MED13L: variants seen among roughly 807,000 people sequenced by gnomAD.
MED13L encodes the protein mediator complex subunit 13L, also known as mediator of RNA polymerase II transcription subunit 13-like.
MED13L carries 7 observed loss-of-function variants against 220.9 expected under a neutral mutation model. The ratio of observed to expected loss-of-function variants is 0.03; its 90% CI spans 0.02 to 0.06. The LOEUF (loss-of-function observed/expected upper bound fraction) is 0.06, where lower values mean the gene tolerates loss of function less well. MED13L is among the 10% of genes least tolerant of loss of function. MED13L has a pLI of 1.00. For missense variants in MED13L, 1,965 were observed against 2,760.5 expected (o/e 0.71, Z 6.46); for synonymous variants, 1,011 against 1,015.2 (o/e 1.00, Z 0.08).
intron 2 of MED13L, among the ~76,000 whole-genome samples, chr12:116,127,279 A>T (rs963519034): frequency 2.0e-5 from 3 of 152,130 alleles, no homozygotes; most frequent in African/African-American, 7.2e-5. Flanking sequence ...TTTGTTTGTT[A>T]TAACTCATAA....
intron 2 of MED13L, among the ~76,000 whole-genome samples, chr12:116,184,982 G>A (rs1406882114): frequency 1.3e-5 from 2 of 152,160 alleles, no homozygotes; most frequent in African/African-American, 2.4e-5. Context: ...CACAGGAAGT[G>A]TCTGTGTTAA....
intron 27 of MED13L, among the ~76,000 whole-genome samples, chr12:115,970,127 A>C (rs1203366476): frequency 6.6e-6 from 1 of 152,218 alleles, no homozygotes; most frequent in Non-Finnish European, 1.5e-5. Context: ...GTTTATAAAT[A>C]ATCATTTTTT....
rs1875606648 is a variant in MED13L at position 115,959,199 on chromosome 12, T to C, written c.*2067A>G. On this transcript the variant is annotated 3_prime_UTR_variant, in exon 31 of 31. Transcript: ENST00000281928. Reference sequence around the variant, plus strand: ...TCATTTATTTTTGCACAAAAACGTATAAATATGTCACCAGCTTTTCTTAAC... The same window carrying C: ...TCATTTATTTTTGCACAAAAACGTACAAATATGTCACCAGCTTTTCTTAAC... 6.6e-6 allele frequency: 1 copy of C among 152,596 alleles called. No homozygotes were observed. The highest frequency in any genetic ancestry group is 2.4e-5 in the African/African-American group (1 of 41,454). 9.5% of individuals were successfully genotyped at this position (152,596 alleles called of 1,614,324 possible).
intron 2 of MED13L, among the ~76,000 whole-genome samples, chr12:116,188,048 T>C (rs1881012186): frequency 6.6e-6 from 1 of 152,040 alleles, no homozygotes; most frequent in Non-Finnish European, 1.5e-5. Context: ...TTATTTGTGG[T>C]TTTTCAGGAC....
intron 2 of MED13L, among the ~76,000 whole-genome samples, chr12:116,112,923 T>A: frequency 6.6e-6 from 1 of 152,192 alleles, no homozygotes; most frequent in African/African-American, 2.4e-5. Flanking sequence ...CCATCAAGTT[T>A]GAGATACACC....
intron 4 of MED13L, among the ~76,000 whole-genome samples, chr12:116,046,258 T>G (rs779428396): frequency 6.6e-6 from 1 of 152,016 alleles, no homozygotes; most frequent in Non-Finnish European, 1.5e-5. Flanking sequence ...GAATAGTCAG[T>G]GTAAAAAACA....
chr12:116,179,204 CGTGT>C (rs60501771), intron 2 of MED13L, among the ~76,000 whole-genome samples: 20,194 of 148,016 alleles, frequency 0.14, 1,397 homozygotes, highest in Middle Eastern at 0.17. Context: ...TGACGATTTA[CGTGT>C]GTGTGTGTGT....
At position 116,192,763 on chromosome 12, in the gene MED13L, G is replaced by A. The variant is rs116153752; in HGVS notation, c.310+44705C>T. On this transcript the variant is annotated intron_variant, in intron 2 of 30. Transcript: ENST00000281928. The stretch of plus-strand genomic sequence containing the variant: ...GCACTTTGGGAGGCCAAAGCAGGAA[G>A]ACTGCTTTAGTTCAGCAGTTCAAGA... 9.6e-3 allele frequency among the ~76,000 whole-genome samples: 1,458 copies of A among 152,282 alleles called. 24 individuals carry two copies. Among genetic ancestry groups the A allele is most frequent in the African/African-American group, 0.033 (1,371 of 41,544 alleles).
intron 5 of MED13L, among the ~76,000 whole-genome samples, chr12:116,021,012 C>G (rs954387573): frequency 3.9e-5 from 6 of 152,098 alleles, no homozygotes; most frequent in African/African-American, 1.4e-4. Context: ...CTGACTCCAA[C>G]TAACACAGTT....
chr12:116,110,260 C>G lies in MED13L; in HGVS notation c.395+1168G>C, dbSNP rs1040384324. 5 of 151,896 alleles carry G rather than the reference C, an allele frequency of 3.3e-5. No individual in the cohort carries two copies. The South Asian group carries it at 1.0e-3, about 32-fold the overall frequency. The allele number at this position is 151,896 out of a possible 1,614,324, so 9.4% of individuals were successfully genotyped here. On this transcript the variant is annotated intron_variant, in intron 3 of 30. Transcript: ENST00000281928. ...ACAAAGGGGCTTCCTCTGACCAAATCTGGAAAAATTTAAGCATCAAAATAA... is the reference window on the plus strand; with the variant it reads ...ACAAAGGGGCTTCCTCTGACCAAATGTGGAAAAATTTAAGCATCAAAATAA...
At chr12:116,205,509 TA>T (rs1345378102) in intron 2 of MED13L, among the ~76,000 whole-genome samples, 51 of 60,550 alleles carry the variant, frequency 8.4e-4, no homozygotes, top group Admixed American at 1.5e-3. Flanking sequence ...GTTCTACCAT[TA>T]AAAAAAAAAA....
chr12:115,986,162 C>T, intron 19 of MED13L, 104 bp downstream of exon 19: 1 of 1,262,812 alleles, frequency 7.9e-7, no homozygotes, highest in Admixed American at 1.9e-5. Context: ...TGCAAATTTT[C>T]TCTGAGATTT....
chr12:116,012,500 T>C (rs973199445), intron 9 of MED13L, among the ~76,000 whole-genome samples: 1 of 152,186 alleles, frequency 6.6e-6, no homozygotes, highest in Admixed American at 6.5e-5. Context: ...TAAGAGTAGT[T>C]AAATAAAGTC....
chr12:115,980,710 T>C (rs1233060684), intron 23 of MED13L, 40 bp downstream of exon 23: 2 of 1,602,492 alleles, frequency 1.2e-6, no homozygotes, highest in East Asian at 2.2e-5. Context: ...GCTTGCATTT[T>C]AGTATAAATT....
At chr12:116,144,066 CCT>C (rs1877289738) in intron 2 of MED13L, among the ~76,000 whole-genome samples, 1 of 152,126 alleles carries the variant, frequency 6.6e-6, no homozygotes, top group African/African-American at 2.4e-5. Flanking sequence ...TTCCTTTGCC[CCT>C]GTGTTCCATA....
At chr12:116,089,100 C>T (rs1220648814) in intron 4 of MED13L, among the ~76,000 whole-genome samples, 1 of 152,016 alleles carries the variant, frequency 6.6e-6, no homozygotes, top group African/African-American at 2.4e-5. Context: ...AAAAAAGGTC[C>T]AATGGAAATT....
intron 23 of MED13L, among the ~76,000 whole-genome samples, chr12:115,979,475 A>G (rs773052380): frequency 4.5e-4 from 69 of 152,226 alleles, no homozygotes; most frequent in Non-Finnish European, 8.1e-4. Context: ...AACTAAACTA[A>G]AACTGCCTAA....
chr12:116,019,598 G>C (rs577936699), intron 6 of MED13L, among the ~76,000 whole-genome samples, 180 bp downstream of exon 6: 2 of 152,240 alleles, frequency 1.3e-5, no homozygotes, highest in East Asian at 3.9e-4. Context: ...AGAGCATTTG[G>C]AATACAAGGA....
At chr12:115,963,815 A>C (rs1457235591) in intron 29 of MED13L, among the ~76,000 whole-genome samples, 1 of 152,208 alleles carries the variant, frequency 6.6e-6, no homozygotes, top group Non-Finnish European at 1.5e-5. Context: ...AATATATAAT[A>C]AGGTCCCATG....
Sources: gnomAD v4.1 joint callset for allele counts (sites outside exome capture counted in the v4.1 genomes callset) on GRCh38, gnomAD v4.1.1 for gene constraint, MANE v1.5 for transcripts, NCBI Gene and HGNC (gene_info 2026-07-23, HGNC 2026-07-21) for gene names.